Variants in UNC13B observed in about 807,000 individuals in gnomAD.
UNC13B encodes protein unc-13 homolog B.
UNC13B carries 144 observed loss-of-function variants against 211.0 expected under a neutral mutation model. That is an observed-to-expected ratio of 0.68 (90% CI 0.60 to 0.78). The LOEUF is 0.78. UNC13B is among the 30% of genes least tolerant of loss of function. UNC13B has a pLI of 0.00. For synonymous variants in UNC13B, 709 were observed against 725.8 expected (o/e 0.98, Z 0.37); for missense variants, 1,777 against 2,002.0 (o/e 0.89, Z 2.14).
Position 35,399,508 on chromosome 9 carries a change from G to A in UNC13B, c.12255+60G>A. On this transcript the variant is annotated intron_variant, in intron 35 of 39. Transcript: ENST00000635942. ...GTCCTTCTGAAGTCATGGAGAGAGG[G>A]TGGCTGCGGGGAAGGAAATTGGAGC... The A allele has an allele frequency of 2.5e-6, 4 of 1,611,570 alleles. 1 individual carries two copies. Among genetic ancestry groups the A allele is most frequent in the South Asian group, 2.2e-5 (2 of 91,000 alleles).
rs905937003 is a variant in UNC13B, at chr9:35,305,410, G to A, written c.6006G>A (p.Thr2002=). Residue 2002 remains threonine (T), a synonymous_variant, in exon 9 of 40, where the codon ACG becomes ACA. Coordinates refer to ENST00000635942, the MANE Select transcript of UNC13B (RefSeq NM_001371189.2). ...CTCCTATACAGACAACTGAAAATAC[G>A]TCTGTTTCTTCAATGACTATTAAGG... is the stretch of plus-strand genomic sequence containing the variant. ...NVSPIQTTEN[T]SVSSMTIKDE... is the part of the protein sequence containing the mutation. 1.3e-5 allele frequency: 5 copies of A among 398,772 alleles called. No individual in the cohort carries two copies. The highest frequency in any genetic ancestry group is 7.1e-5 in the East Asian group (2 of 28,074). 24.7% of individuals were successfully genotyped at this position (398,772 alleles called of 1,614,324 possible). A position where few individuals can be genotyped will look rare whatever the true frequency, so the allele number is the denominator to read the frequency against.
chr9:35,177,838 CA>C (rs781130533), intron 1 of UNC13B, among the ~76,000 whole-genome samples: 4 of 152,036 alleles, frequency 2.6e-5, no homozygotes, highest in Non-Finnish European at 5.9e-5. Flanking sequence ...ATTTCTAAAA[CA>C]GAAAAAATAT....
intron 17 of UNC13B, 87 bp from the exon 18 acceptor site, chr9:35,380,383 G>A: frequency 1.4e-6 from 2 of 1,431,992 alleles, no homozygotes; most frequent in Non-Finnish European, 1.9e-6. Context: ...AAGTGCAGCT[G>A]TCGGAGCTTT....
intron 18 of UNC13B, among the ~76,000 whole-genome samples, chr9:35,380,884 T>C (rs969452913): frequency 6.6e-6 from 1 of 152,076 alleles, no homozygotes; most frequent in African/African-American, 2.4e-5. Flanking sequence ...AGTGCTTTTG[T>C]CCCCCCTCCA....
chr9:35,232,214 T>C (rs1825258483), intron 3 of UNC13B, among the ~76,000 whole-genome samples: 1 of 132,204 alleles, frequency 7.6e-6, no homozygotes, highest in Admixed American at 7.8e-5. Flanking sequence ...AGGATCTCAC[T>C]CTCTCACCCA....
At chr9:35,238,187 A>C (rs546930931) in intron 5 of UNC13B, among the ~76,000 whole-genome samples, 1 of 152,236 alleles carries the variant, frequency 6.6e-6, no homozygotes, top group Non-Finnish European at 1.5e-5. Flanking sequence ...AGTATTAAAT[A>C]GCACTGATAA....
intron 8 of UNC13B, among the ~76,000 whole-genome samples, chr9:35,297,774 C>T (rs906392056): frequency 6.6e-6 from 1 of 151,460 alleles, no homozygotes; most frequent in African/African-American, 2.4e-5. Flanking sequence ...TGGTCTCGAT[C>T]TCCTGACCTC....
chr9:35,298,415 T>C (rs1341428555), intron 8 of UNC13B, among the ~76,000 whole-genome samples: 1 of 152,154 alleles, frequency 6.6e-6, no homozygotes, highest in Middle Eastern at 3.2e-3. Context: ...AGCAAGACTC[T>C]GTCTCAGTCA....
chr9:35,385,208 C>A, intron 22 of UNC13B: 1 of 985,454 alleles, frequency 1.0e-6, no homozygotes, highest in Non-Finnish European at 1.2e-6. Context: ...AAGGAACTCA[C>A]TCCAAAAGCA....
intron 1 of UNC13B, 146 bp downstream of exon 1, chr9:35,162,451 T>C: frequency 9.1e-7 from 1 of 1,096,424 alleles, no homozygotes; most frequent in South Asian, 1.7e-5. Flanking sequence ...CACTTAACAA[T>C]CACTTGAGTT....
chr9:35,173,146 A>G (rs1265091348), intron 1 of UNC13B, among the ~76,000 whole-genome samples: 1 of 152,218 alleles, frequency 6.6e-6, no homozygotes, highest in South Asian at 2.1e-4. Context: ...GCAGTTGGAC[A>G]GTGGGAAGAT....
intron 1 of UNC13B, among the ~76,000 whole-genome samples, chr9:35,194,571 A>AC (rs1209317332): frequency 6.6e-6 from 1 of 152,140 alleles, no homozygotes; most frequent in Admixed American, 6.5e-5. Flanking sequence ...AGTAAATCTC[A>AC]CATCTGAGTC....
intron 7 of UNC13B, among the ~76,000 whole-genome samples, chr9:35,259,938 T>TG (rs902897340): frequency 4.2e-5 from 6 of 142,996 alleles, no homozygotes; most frequent in African/African-American, 1.0e-4. Context: ...AACTGTAGGC[T>TG]GGGCATGGTT....
chr9:35,377,538 C>A lies in UNC13B; in HGVS notation c.9906C>A (p.Asp3302Glu). ...RTQNIIMAMK[D>E]RMKIRERNKP... ...AGAACATTATCATGGCCATGAAGGA[C>A]CGCATGAAGATCCGAGAGCGAAATA... Residue 3302 changes from aspartate to glutamate, a missense_variant, in exon 16 of 40, where the codon GAC becomes GAA. Coordinates refer to ENST00000635942, the MANE Select transcript of UNC13B (RefSeq NM_001371189.2). 6.2e-7 allele frequency: 1 copy of A among 1,614,226 alleles called. No individual in the cohort carries two copies. The highest frequency in any genetic ancestry group is 8.5e-7 in the Non-Finnish European group (1 of 1,180,036).
At chr9:35,363,909 T>G (rs1202688592) in intron 11 of UNC13B, among the ~76,000 whole-genome samples, 1 of 152,190 alleles carries the variant, frequency 6.6e-6, no homozygotes, top group Admixed American at 6.5e-5. Flanking sequence ...TGATTTCTAT[T>G]AGGAAAGCAG....
intron 11 of UNC13B, chr9:35,351,765 A>G (rs1832735883): frequency 8.1e-7 from 1 of 1,232,178 alleles, no homozygotes; most frequent in African/African-American, 1.6e-5. Flanking sequence ...TTTGGGCAGC[A>G]GAACAACAGC....
intron 11 of UNC13B, among the ~76,000 whole-genome samples, chr9:35,339,921 T>C (rs1831884192): frequency 6.6e-6 from 1 of 152,242 alleles, no homozygotes; most frequent in African/African-American, 2.4e-5. Flanking sequence ...TCTTTCCCAC[T>C]CTTGAAAGTT....
chr9:35,261,039 C>G (rs1168483494), intron 7 of UNC13B, among the ~76,000 whole-genome samples: 1 of 152,108 alleles, frequency 6.6e-6, no homozygotes, highest in Non-Finnish European at 1.5e-5. Flanking sequence ...TGTGAATAAG[C>G]CATTCTTGTC....
chr9:35,214,245 C>T (rs1156529179), intron 1 of UNC13B, among the ~76,000 whole-genome samples: 3 of 151,964 alleles, frequency 2.0e-5, no homozygotes, highest in African/African-American at 7.3e-5. Context: ...CTGACTAACA[C>T]AATAAAACCC....
Sources: gnomAD v4.1 joint callset for allele counts (sites outside exome capture counted in the v4.1 genomes callset) on GRCh38, gnomAD v4.1.1 for gene constraint, MANE v1.5 for transcripts, NCBI Gene and HGNC (gene_info 2026-07-23, HGNC 2026-07-21) for gene names.